The following CAMK1D variants were observed in gnomAD, a reference collection of about 807,000 sequenced individuals.
CAMK1D encodes the protein calcium/calmodulin-dependent protein kinase type 1D.
A neutral mutation model predicts 47.7 loss-of-function variants in CAMK1D; 9 were observed. The ratio of observed to expected loss-of-function variants is 0.19; its 90% confidence interval spans 0.11 to 0.33. CAMK1D has a LOEUF of 0.33. CAMK1D is among the 10% of genes least tolerant of loss of function. CAMK1D has a pLI of 1.00. For synonymous variants in CAMK1D, 184 were observed against 184.9 expected, an observed-to-expected ratio of 0.99 and a Z score of 0.04; for missense variants, 291 against 488.7, an observed-to-expected ratio of 0.60 and a Z score of 3.81.
intron 1 of CAMK1D, among the ~76,000 whole-genome samples, chr10:12,387,353 T>TTTATATATATAATATATATATTATATA (rs1156414682): frequency 1.4e-4 from 15 of 104,778 alleles, no homozygotes; most frequent in East Asian, 2.5e-4. Flanking sequence ...TATATTATAT[T>TTTATATATATAATATATATATTATATA]TTATATATAT....
At chr10:12,563,270 A>G (rs1432981518) in intron 2 of CAMK1D, among the ~76,000 whole-genome samples, 1 of 152,172 alleles carries the variant, frequency 6.6e-6, no homozygotes, top group Admixed American at 6.5e-5. Context: ...TGGGAAGATC[A>G]CTTGAGTCCA....
intron 1 of CAMK1D, among the ~76,000 whole-genome samples, chr10:12,499,981 C>G (rs1834651823): frequency 6.6e-6 from 1 of 152,164 alleles, no homozygotes; most frequent in Non-Finnish European, 1.5e-5. Flanking sequence ...AGAAAGCTGT[C>G]TGGACCACAT....
chr10:12,356,572 A>G (rs1837523604), intron 1 of CAMK1D, among the ~76,000 whole-genome samples: 1 of 152,130 alleles, frequency 6.6e-6, no homozygotes, highest in Admixed American at 6.5e-5. Context: ...AATACAGAAA[A>G]TTAGCTGGGT....
At chr10:12,597,827 A>T (rs12254411) in intron 2 of CAMK1D, among the ~76,000 whole-genome samples, 4,437 of 152,188 alleles carry the variant, frequency 0.029, 175 homozygotes, top group African/African-American at 0.089. Flanking sequence ...TCCTTTATTT[A>T]TGCTCTCACT....
chr10:12,507,993 C>G (rs1423837206), intron 1 of CAMK1D, among the ~76,000 whole-genome samples: 1 of 152,184 alleles, frequency 6.6e-6, no homozygotes, highest in Non-Finnish European at 1.5e-5. Context: ...TTGTGAAATG[C>G]AGAGTCCTGG....
In CAMK1D at chr10:12,636,477, G is replaced by A. The variant is rs565556958; in HGVS notation, c.225-30259G>A. 9.8e-4 allele frequency among the ~76,000 whole-genome samples: 149 copies of A among 152,246 alleles called. 1 individual carries two copies. The highest frequency in any genetic ancestry group is 3.3e-3 in the African/African-American group (138 of 41,544). On this transcript the variant is annotated intron_variant, in intron 2 of 10. Transcript: ENST00000619168. ...TGAGGAGCTGAGACTACAGGTGTGT[G>A]CCACCACACCAGGCTATTTTTTGTA...
chr10:12,482,470 C>A (rs779272704), intron 1 of CAMK1D, among the ~76,000 whole-genome samples: 4 of 152,206 alleles, frequency 2.6e-5, no homozygotes, highest in Non-Finnish European at 5.9e-5. Flanking sequence ...ACTCTTTATG[C>A]TCCAGGAAAG....
chr10:12,804,771 C>CA (rs569089576), intron 6 of CAMK1D, among the ~76,000 whole-genome samples: 58,728 of 126,136 alleles, frequency 0.47, 14,595 homozygotes, highest in East Asian at 0.68. Flanking sequence ...CTGTCTGTAC[C>CA]AAAAAAAAAA....
intron 6 of CAMK1D, among the ~76,000 whole-genome samples, chr10:12,811,951 AAGC>A (rs1456211490): frequency 1.1e-4 from 16 of 152,222 alleles, no homozygotes; most frequent in Non-Finnish European, 2.2e-4. Context: ...ATTTCACTAA[AAGC>A]AGCACATCTT....
intron 1 of CAMK1D, among the ~76,000 whole-genome samples, chr10:12,396,367 G>A (rs778505923): frequency 3.3e-5 from 5 of 152,132 alleles, no homozygotes; most frequent in Non-Finnish European, 5.9e-5. Flanking sequence ...TGCCAAAATC[G>A]TCATTTTTCT....
chr10:12,499,943 C>G (rs149584310), intron 1 of CAMK1D, among the ~76,000 whole-genome samples: 1 of 152,284 alleles, frequency 6.6e-6, no homozygotes, highest in East Asian at 1.9e-4. Context: ...TCCAAGAAGG[C>G]ATAGTCTTTG....
intron 1 of CAMK1D, among the ~76,000 whole-genome samples, chr10:12,478,923 GC>G (rs1833981281): frequency 6.6e-6 from 1 of 152,198 alleles, no homozygotes; most frequent in African/African-American, 2.4e-5. Context: ...CTGAGCGCCT[GC>G]AACGTTTAGG....
intron 1 of CAMK1D, among the ~76,000 whole-genome samples, chr10:12,406,505 G>A (rs1021737369): frequency 2.0e-5 from 3 of 151,656 alleles, no homozygotes; most frequent in African/African-American, 4.9e-5. Context: ...TCAGGAGTTC[G>A]AGACCAGCCT....
intron 3 of CAMK1D, among the ~76,000 whole-genome samples, chr10:12,694,856 C>T (rs1052978579): frequency 1.1e-4 from 17 of 151,632 alleles, no homozygotes; most frequent in African/African-American, 3.9e-4. Context: ...CAAATATTGT[C>T]AAAGTATTAC....
chr10:12,460,578 G>A (rs1588509899), intron 1 of CAMK1D, among the ~76,000 whole-genome samples: 2 of 152,106 alleles, frequency 1.3e-5, no homozygotes, highest in East Asian at 1.9e-4. Context: ...GACTACAGGC[G>A]CCTGCCACCA....
chr10:12,488,767 C>T (rs1242427977), intron 1 of CAMK1D, among the ~76,000 whole-genome samples: 6 of 152,030 alleles, frequency 3.9e-5, no homozygotes, highest in East Asian at 1.9e-4. Context: ...CTAGATCCCT[C>T]GCGTGCGCAG....
chr10:12,416,551 G>C (rs1189232345), intron 1 of CAMK1D, among the ~76,000 whole-genome samples: 2 of 152,194 alleles, frequency 1.3e-5, no homozygotes, highest in Admixed American at 1.3e-4. Context: ...TGTCGGATGG[G>C]GCCAGGCCAA....
chr10:12,363,665 G>GTTTTTTT (rs1165886868), intron 1 of CAMK1D, among the ~76,000 whole-genome samples: 1 of 117,108 alleles, frequency 8.5e-6, no homozygotes, highest in Non-Finnish European at 1.7e-5. Flanking sequence ...GTTTCCTAAG[G>GTTTTTTT]TTTTTTTTTT....
chr10:12,679,092 A>G (rs1840906816), intron 3 of CAMK1D, among the ~76,000 whole-genome samples: 1 of 152,154 alleles, frequency 6.6e-6, no homozygotes, highest in South Asian at 2.1e-4. Flanking sequence ...TTTTCACACT[A>G]CTTTTCTAAA....
Sources: gnomAD v4.1 joint callset for allele counts (sites outside exome capture counted in the v4.1 genomes callset) on GRCh38, gnomAD v4.1.1 for gene constraint, MANE v1.5 for transcripts, NCBI Gene and HGNC (gene_info 2026-07-23, HGNC 2026-07-21) for gene names.